The following SLC4A4 variants were observed in gnomAD, a reference collection of about 807,000 sequenced individuals.
The protein encoded by SLC4A4 is electrogenic sodium bicarbonate cotransporter 1.
A neutral mutation model predicts 111.5 loss-of-function variants in SLC4A4; 27 were observed. That is an observed-to-expected ratio of 0.24 (90% confidence interval 0.18 to 0.33). The LOEUF (loss-of-function observed/expected upper bound fraction) is 0.33. Ranked by LOEUF, SLC4A4 falls within the 10% of genes least tolerant of loss-of-function variation. The probability of loss-of-function intolerance (pLI) is 1.00; values close to 1 mark genes in which losing one functional copy is unlikely to be tolerated. For synonymous variants in SLC4A4, 443 were observed against 463.4 expected (o/e 0.96, Z 0.57); for missense variants, 909 against 1,315.5 (o/e 0.69, Z 4.78).
At chr4:71,494,586 A>T (rs1423497712) in intron 15 of SLC4A4, among the ~76,000 whole-genome samples, 1 of 151,978 alleles carries the variant, frequency 6.6e-6, no homozygotes, top group African/African-American at 2.4e-5. Flanking sequence ...AAATGCTGGG[A>T]TTACAGATGT....
intron 2 of SLC4A4, among the ~76,000 whole-genome samples, chr4:71,176,743 G>A (rs1745106313): frequency 6.6e-6 from 1 of 152,196 alleles, no homozygotes; most frequent in African/African-American, 2.4e-5. Flanking sequence ...GAACCAAGTT[G>A]GAAAACACTC....
intron 3 of SLC4A4, among the ~76,000 whole-genome samples, chr4:71,278,167 T>A (rs773531805): frequency 1.1e-4 from 17 of 152,124 alleles, no homozygotes; most frequent in Non-Finnish European, 2.2e-4. Flanking sequence ...TTTTTTTTTT[T>A]AATTACACAT....
At chr4:71,093,354 G>C (rs1352059118) in intron 2 of SLC4A4, among the ~76,000 whole-genome samples, 1 of 151,890 alleles carries the variant, frequency 6.6e-6, no homozygotes, top group Non-Finnish European at 1.5e-5. Context: ...TTTCAGTAGA[G>C]ACAGGGTTTC....
chr4:71,284,777 T>C (rs1723783377), intron 3 of SLC4A4, among the ~76,000 whole-genome samples: 1 of 152,222 alleles, frequency 6.6e-6, no homozygotes, highest in Non-Finnish European at 1.5e-5. Context: ...CGCATTCTTT[T>C]CTTTTATATA....
intron 6 of SLC4A4, among the ~76,000 whole-genome samples, chr4:71,374,439 T>A (rs1732162575): frequency 6.6e-6 from 1 of 152,216 alleles, no homozygotes; most frequent in African/African-American, 2.4e-5. Context: ...TTCAGACTTT[T>A]TAGTTAACGT....
chr4:71,531,926 G>A, intron 16 of SLC4A4, 136 bp from the exon 17 acceptor site: 1 of 685,084 alleles, frequency 1.5e-6, no homozygotes. Flanking sequence ...TCTGCACTCT[G>A]ATACCTCCTT....
chr4:71,141,984 A>G (rs7664314), intron 2 of SLC4A4, among the ~76,000 whole-genome samples: 109,194 of 152,158 alleles, frequency 0.72, 41,535 homozygotes, highest in Admixed American at 0.84. Flanking sequence ...AATAGCACTT[A>G]CTGATAACTT....
chr4:71,415,317 G>A (rs1033016102), intron 7 of SLC4A4, among the ~76,000 whole-genome samples: 60 of 152,278 alleles, frequency 3.9e-4, no homozygotes, highest in African/African-American at 1.4e-3. Context: ...TTGGGAAAGA[G>A]AAATTTTATT....
rs559571958 is a variant in SLC4A4 at position 71,419,490 on chromosome 4, C to T, written c.808-21126C>T. On this transcript the variant is annotated intron_variant, in intron 7 of 25. Transcript: ENST00000264485. ...CAGCGAGACTCCGTGGGCGTAGGAC[C>T]CTCCGAGCCAGGTGCGGGATATAAT... Among the ~76,000 whole-genome samples, 11 of 152,354 alleles carry T rather than the reference C, an allele frequency of 7.2e-5. 1 individual carries two copies. In the South Asian group the frequency reaches 2.3e-3, roughly 32 times the overall value.
chr4:71,353,599 G>GT (rs1224041324), intron 5 of SLC4A4, among the ~76,000 whole-genome samples: 6 of 151,596 alleles, frequency 4.0e-5, no homozygotes, highest in Non-Finnish European at 7.4e-5. Flanking sequence ...GTCGTTATTT[G>GT]TTTTTTAAAA....
intron 1 of SLC4A4, among the ~76,000 whole-genome samples, chr4:71,230,674 TC>T (rs1719357406): frequency 6.6e-6 from 1 of 152,172 alleles, no homozygotes; most frequent in Non-Finnish European, 1.5e-5. Context: ...TAGGGTGCCA[TC>T]CCCGATGCCT....
chr4:71,266,430 G>A (rs192436979), intron 3 of SLC4A4, among the ~76,000 whole-genome samples: 3 of 152,202 alleles, frequency 2.0e-5, no homozygotes, highest in African/African-American at 7.2e-5. Flanking sequence ...TTACAGTTTG[G>A]CTTTTAGGCA....
chr4:71,501,357 A>C (rs1730907674), intron 16 of SLC4A4, among the ~76,000 whole-genome samples: 1 of 151,818 alleles, frequency 6.6e-6, no homozygotes. Context: ...TGGAGTCTTT[A>C]TGTAAGATCA....
At chr4:71,209,411 C>T (rs1194861571) in intron 1 of SLC4A4, among the ~76,000 whole-genome samples, 1 of 152,186 alleles carries the variant, frequency 6.6e-6, no homozygotes, top group African/African-American at 2.4e-5. Flanking sequence ...AGAACAGGGT[C>T]AAGTGAAGGG....
intron 2 of SLC4A4, among the ~76,000 whole-genome samples, chr4:71,132,056 C>A (rs1743720912): frequency 6.6e-6 from 1 of 152,044 alleles, no homozygotes; most frequent in Admixed American, 6.5e-5. Flanking sequence ...TCTTTGTGAG[C>A]TTTTAGGAGC....
Position 71,536,457 on chromosome 4 carries a change from CATATATACATATATAT to C in SLC4A4, c.2442+2077_2442+2092del, listed in dbSNP as rs1245000163. Among the ~76,000 whole-genome samples, 161 of 31,412 alleles carry C rather than the reference CATATATACATATATAT, an allele frequency of 5.1e-3. 7 individuals carry two copies. The highest frequency in any genetic ancestry group is 0.021 in the South Asian group (12 of 574). The allele number at this position is 31,412 out of a possible 152,430, so 20.6% of individuals were successfully genotyped here. On this transcript the variant is annotated intron_variant, in intron 18 of 25. Transcript: ENST00000264485. ...TCATTTAAGCATATATACATATATA[CATATATACATATATAT>C]ATATATATATATATGTATATATTTA...
intron 13 of SLC4A4, among the ~76,000 whole-genome samples, chr4:71,468,799 T>C (rs1727617483): frequency 6.6e-6 from 1 of 151,874 alleles, no homozygotes; most frequent in South Asian, 2.1e-4. Flanking sequence ...TACCCCCCTC[T>C]TGGTAGTTCA....
intron 1 of SLC4A4, among the ~76,000 whole-genome samples, chr4:71,191,057 T>C (rs1281757545): frequency 1.3e-5 from 2 of 152,252 alleles, no homozygotes; most frequent in Non-Finnish European, 2.9e-5. Flanking sequence ...CAATAGTTTA[T>C]TTGTAAAATA....
chr4:71,360,788 A>G (rs941210044), intron 6 of SLC4A4, among the ~76,000 whole-genome samples: 1 of 152,174 alleles, frequency 6.6e-6, no homozygotes, highest in Non-Finnish European at 1.5e-5. Flanking sequence ...ATATTTTATT[A>G]TTATTTATAT....
Sources: allele counts gnomAD v4.1 joint callset (sites outside exome capture counted in the v4.1 genomes callset), GRCh38; gene constraint gnomAD v4.1.1; transcripts MANE v1.5; gene names NCBI Gene and HGNC (gene_info 2026-07-23, HGNC 2026-07-21).